PCDHGA8: variants seen among roughly 807,000 people sequenced by gnomAD.
PCDHGA8 encodes protocadherin gamma subfamily A, 8, also known as protocadherin gamma-A8.
PCDHGA8 carries 45 observed loss-of-function variants against 59.2 expected under a neutral mutation model. The ratio of observed to expected loss-of-function variants is 0.76; its 90% CI spans 0.60 to 0.98. The LOEUF is 0.98. Among genes scored for constraint, PCDHGA8 ranks in the 50% least tolerant of loss-of-function variants. PCDHGA8 has a pLI of 0.00. For missense variants in PCDHGA8, 1,257 were observed against 1,196.2 expected (o/e 1.05, Z -0.75); for synonymous variants, 531 against 519.0 (o/e 1.02, Z -0.32).
In PCDHGA8 at chr5:141,490,706, T is replaced by C. The variant is rs777636562; in HGVS notation, c.2425-4101T>C. On this transcript the variant is annotated intron_variant, in intron 1 of 3. Coordinates refer to ENST00000398604, the MANE Select transcript of PCDHGA8 (RefSeq NM_032088.2). This position sits in a 1 kb window ranked among gnomAD's most constrained non-coding sequence, Gnocchi z 5.4. ...CCAGACACTGGGGATAATGCCCGCC[T>C]CACCTACTCCATTGTAGGAAATCAG... is the stretch of plus-strand genomic sequence containing the variant. The C allele has an allele frequency of 6.2e-7, 1 of 1,614,074 alleles. No homozygotes were observed. Among genetic ancestry groups the C allele is most frequent in the African/African-American group, 1.3e-5 (1 of 74,948 alleles).
At chr5:141,399,350 G>T (rs746925566) in intron 1 of PCDHGA8, 2 of 1,613,964 alleles carry the variant, frequency 1.2e-6, no homozygotes, top group East Asian at 2.2e-5. Flanking sequence ...ACCCTAGACC[G>T]AGAGCAAACC....
Position 141,404,625 on chromosome 5 carries a change from A to G in PCDHGA8, c.2424+9388A>G, listed in dbSNP as rs375300806. The G allele has an allele frequency of 9.0e-5, 146 of 1,614,036 alleles. No homozygotes were observed. The highest frequency in any genetic ancestry group is 5.1e-4 in the South Asian group (46 of 91,078). On this transcript the variant is annotated intron_variant, in intron 1 of 3. Transcript: ENST00000398604. ...CTGTTTGTTTTGGACCAGAATGACA[A>G]TGCCCCAGAAATCCTGTACCCTGCC...
Position 141,489,138 on chromosome 5 carries a change from T to C in PCDHGA8, c.2425-5669T>C. 1.4e-6 allele frequency: 1 copy of C among 738,808 alleles called. No homozygotes were observed. The highest frequency in any genetic ancestry group is 3.0e-5 in the Admixed American group (1 of 33,014). The allele number at this position is 738,808 out of a possible 1,614,324, so 45.8% of individuals were successfully genotyped here. On this transcript the variant is annotated intron_variant, in intron 1 of 3. Transcript: ENST00000398604. This position sits in a 1 kb window ranked among gnomAD's most constrained non-coding sequence, Gnocchi z 4.5. ...AACCTCCGAGCAGTTTTTAAGAGGC[T>C]GGAAGGAGACATAAGAGACTTCAGC...
At position 141,486,004 on chromosome 5, in the gene PCDHGA8, C is replaced by T; in HGVS notation, c.2425-8803C>T. The T allele has an allele frequency of 6.2e-7, 1 of 1,614,184 alleles. No homozygotes were observed. The highest frequency in any genetic ancestry group is 8.5e-7 in the Non-Finnish European group (1 of 1,180,008). The stretch of plus-strand genomic sequence containing the variant: ...CGGACCTGGGTCCCAGTGGTAACGT[C>T]ACCTTTTATTTCAGTGGTCATACCC... On this transcript the variant is annotated intron_variant, in intron 1 of 3. Coordinates refer to ENST00000398604, the MANE Select transcript of PCDHGA8 (RefSeq NM_032088.2). This position sits in a 1 kb window ranked among gnomAD's most constrained non-coding sequence, Gnocchi z 5.0.
intron 1 of PCDHGA8, chr5:141,422,865 C>G: frequency 1.2e-6 from 2 of 1,614,244 alleles, no homozygotes; most frequent in Non-Finnish European, 1.7e-6. Context: ...TCAGCAGCAA[C>G]GTGTCGCTGA....
rs774071540 is a variant in PCDHGA8, at chr5:141,511,042, G to A, written c.2668G>A (p.Asp890Asn). 8 of 1,614,064 alleles carry A rather than the reference G, an allele frequency of 5.0e-6. No homozygotes were observed. Among genetic ancestry groups the A allele is most frequent in the Non-Finnish European group, 6.8e-6 (8 of 1,180,016 alleles). Residue 890 changes from aspartate to asparagine, a missense_variant, in exon 4 of 4, where the codon GAC becomes AAC. Physicochemically the swap from Asp to Asn is conservative, Grantham distance 23. Coordinates refer to ENST00000398604, the MANE Select transcript of PCDHGA8 (RefSeq NM_032088.2). Reference sequence around the variant, plus strand: ...CCAGTTCACCCTGCAGCACGTGCCCGACTACCGCCAGAATGTCTACATCCC... The same window carrying A: ...CCAGTTCACCCTGCAGCACGTGCCCAACTACCGCCAGAATGTCTACATCCC... ...GPQFTLQHVPDYRQNVYIPGS... is the reference protein window; with the variant it reads ...GPQFTLQHVPNYRQNVYIPGS...
rs2099619316 is a variant in PCDHGA8, at chr5:141,485,794, C to A, written c.2425-9013C>A. The A allele has an allele frequency of 6.2e-7, 1 of 1,614,120 alleles. No homozygotes were observed. The highest frequency in any genetic ancestry group is 1.1e-5 in the South Asian group (1 of 91,092). On this transcript the variant is annotated intron_variant, in intron 1 of 3. Transcript: ENST00000398604. This position sits in a 1 kb window ranked among gnomAD's most constrained non-coding sequence, Gnocchi z 5.7. ...CTTTGGATCGAGAGAAGCAATCGGA[C>A]TACCGCCTGGTGCTGACTGCTGTCG...
At chr5:141,481,913 C>CAAA (rs34114744) in intron 1 of PCDHGA8, among the ~76,000 whole-genome samples, 3 of 90,796 alleles carry the variant, frequency 3.3e-5, no homozygotes, top group Non-Finnish European at 4.4e-5. Flanking sequence ...AACTCCATCT[C>CAAA]AAAAAAAAAA....
intron 1 of PCDHGA8, 121 bp downstream of exon 1, chr5:141,395,358 G>A: frequency 1.5e-6 from 2 of 1,346,158 alleles, no homozygotes; most frequent in Non-Finnish European, 9.9e-7. Context: ...ACAGAGTTTT[G>A]GGTTTATTTT....
chr5:141,394,537 T>C lies in PCDHGA8; in HGVS notation c.1724T>C (p.Val575Ala). 1 of 1,614,146 alleles carries C rather than the reference T, an allele frequency of 6.2e-7. No individual in the cohort carries two copies. The highest frequency in any genetic ancestry group is 8.5e-7 in the Non-Finnish European group (1 of 1,180,028). The change falls in exon 1 of 4, where the codon GTG (valine) becomes GCG (alanine). Residue 575 changes from valine to alanine, a missense_variant. Coordinates refer to ENST00000398604, the MANE Select transcript of PCDHGA8 (RefSeq NM_032088.2). Reference protein sequence around the residue: ...PALPTDGSTGVELAPRSAERG... With the variant: ...PALPTDGSTGAELAPRSAERG... ...CTCCCCACAGACGGTTCCACTGGCG[T>C]GGAGCTGGCGCCCCGCTCCGCAGAG...
In PCDHGA8 at chr5:141,491,623, G is replaced by C; in HGVS notation, c.2425-3184G>C. On this transcript the variant is annotated intron_variant, in intron 1 of 3. Coordinates refer to ENST00000398604, the MANE Select transcript of PCDHGA8 (RefSeq NM_032088.2). The surrounding 1 kb of genome is among the most constrained non-coding windows in gnomAD (Gnocchi z 6.9). ...CTTCACTTTTCTAAGACCCCTCAGC[G>C]TTCAGCAGCCCACAGCTCTGGCGCT... 1 of 1,613,930 alleles carries C rather than the reference G, an allele frequency of 6.2e-7. No individual in the cohort carries two copies. Among genetic ancestry groups the C allele is most frequent in the Non-Finnish European group, 8.5e-7 (1 of 1,180,020 alleles).
Position 141,393,493 on chromosome 5 carries a change from G to A in PCDHGA8, c.680G>A (p.Arg227His), listed in dbSNP as rs1034199960. Reference protein sequence around the residue: ...GGKPPRSSTVRIHVTVLDTND... With the variant: ...GGKPPRSSTVHIHVTVLDTND... ...AAGCCGCCTCGCTCTAGCACAGTGC[G>A]CATCCACGTGACAGTGTTGGATACA... is the stretch of plus-strand genomic sequence containing the variant. The change falls in exon 1 of 4, where the codon CGC becomes CAC. Residue 227 changes from arginine (R) to histidine (H), a missense_variant. Transcript: ENST00000398604. 6.2e-7 allele frequency: 1 copy of A among 1,614,046 alleles called. No homozygotes were observed. Among genetic ancestry groups the A allele is most frequent in the Non-Finnish European group, 8.5e-7 (1 of 1,179,914 alleles).
chr5:141,420,311 T>G (rs762191274), intron 1 of PCDHGA8: 1 of 1,454,814 alleles, frequency 6.9e-7, no homozygotes, highest in Non-Finnish European at 9.3e-7. Flanking sequence ...CTTTTTATAT[T>G]ACAATATGCC....
chr5:141,440,321 C>T (rs1048535776), intron 1 of PCDHGA8: 1 of 152,104 alleles, frequency 6.6e-6, no homozygotes, highest in African/African-American at 2.4e-5. Context: ...ACAAAAATTA[C>T]TGGGCATGGT....
At chr5:141,415,055 C>G in intron 1 of PCDHGA8, 2 of 1,613,402 alleles carry the variant, frequency 1.2e-6, no homozygotes, top group East Asian at 2.2e-5. Flanking sequence ...GGGGAGCACA[C>G]GGGCGAGGTG....
intron 1 of PCDHGA8, among the ~76,000 whole-genome samples, chr5:141,430,226 T>C (rs1331325242): frequency 6.9e-6 from 1 of 144,216 alleles, no homozygotes; most frequent in Admixed American, 7.0e-5. Context: ...ATATGATTTG[T>C]CAAAAAGAGA....
At chr5:141,405,357 A>G in intron 1 of PCDHGA8, 1 of 1,613,846 alleles carries the variant, frequency 6.2e-7, no homozygotes, top group Non-Finnish European at 8.5e-7. Flanking sequence ...TTTCCTATAG[A>G]AGACACCCCT....
intron 2 of PCDHGA8, among the ~76,000 whole-genome samples, chr5:141,505,117 G>A (rs575627148): frequency 1.8e-4 from 27 of 152,226 alleles, no homozygotes; most frequent in African/African-American, 3.6e-4. Context: ...AGCCAAGATC[G>A]CGCCACTGCA....
Position 141,393,523 on chromosome 5 carries a change from A to G in PCDHGA8, c.710A>G (p.Asp237Gly). The change falls in exon 1 of 4, where the codon GAC (aspartate) becomes GGC (glycine). Residue 237 changes from aspartate to glycine, a missense_variant. Transcript: ENST00000398604. The stretch of plus-strand genomic sequence containing the variant: ...CACGTGACAGTGTTGGATACAAATG[A>G]CAATGCCCCGGTTTTTCCTCACCCG... The part of the protein sequence containing the change: ...RIHVTVLDTN[D>G]NAPVFPHPIY... The G allele has an allele frequency of 6.2e-7, 1 of 1,614,018 alleles. No individual in the cohort carries two copies. The highest frequency in any genetic ancestry group is 2.2e-5 in the East Asian group (1 of 44,888).
Sources: allele counts gnomAD v4.1 joint callset (sites outside exome capture counted in the v4.1 genomes callset), GRCh38; gene constraint gnomAD v4.1.1; non-coding constraint Gnocchi (gnomAD v3.1); transcripts MANE v1.5; gene names NCBI Gene and HGNC (gene_info 2026-07-23, HGNC 2026-07-21).